The following TMEM178B variants were observed in gnomAD, a reference collection of about 807,000 sequenced individuals.
TMEM178B encodes the protein transmembrane protein 178B.
In TMEM178B, 5 loss-of-function variants were observed where a neutral mutation model predicts 31.0. The ratio of observed to expected loss-of-function variants is 0.16; its 90% CI spans 0.08 to 0.34. The LOEUF is 0.34. Among genes scored for constraint, TMEM178B ranks in the 10% least tolerant of loss-of-function variants. The pLI, the probability that TMEM178B is intolerant of heterozygous loss-of-function variation, is 1.00. For missense variants in TMEM178B, 275 were observed against 400.3 expected (o/e 0.69, Z 2.67); for synonymous variants, 164 against 164.0 (o/e 1.00, Z 0.00).
intron 1 of TMEM178B, among the ~76,000 whole-genome samples, chr7:141,100,070 T>C (rs922970445): frequency 1.3e-5 from 2 of 152,128 alleles, no homozygotes; most frequent in African/African-American, 2.4e-5. Flanking sequence ...CCGCCCGCCT[T>C]GGCCTCCCAA....
chr7:141,195,745 A>T (rs1005601475), intron 1 of TMEM178B, among the ~76,000 whole-genome samples: 1 of 152,216 alleles, frequency 6.6e-6, no homozygotes, highest in South Asian at 2.1e-4. Flanking sequence ...TGATAAAGAC[A>T]TACCCAAGAC....
intron 1 of TMEM178B, among the ~76,000 whole-genome samples, chr7:141,181,846 T>C (rs1164918036): frequency 6.6e-6 from 1 of 152,202 alleles, no homozygotes; most frequent in Non-Finnish European, 1.5e-5. Flanking sequence ...TCACTTTCTT[T>C]AGAATTATGG....
At chr7:141,407,929 C>T (rs186368193) in intron 2 of TMEM178B, among the ~76,000 whole-genome samples, 4 of 152,272 alleles carry the variant, frequency 2.6e-5, no homozygotes, top group South Asian at 2.1e-4. Context: ...TGAAGAAGCA[C>T]GTTTACATAG....
chr7:141,447,441 C>T (rs1181763), intron 3 of TMEM178B, among the ~76,000 whole-genome samples: 33,839 of 151,506 alleles, frequency 0.22, 3,980 homozygotes, highest in South Asian at 0.39. Flanking sequence ...AGAGGATGAC[C>T]GTGATGGGAG....
At chr7:141,489,751 C>G in the TMEM178B span, among the ~76,000 whole-genome samples, 1 of 152,312 alleles carries the variant, frequency 6.6e-6, no homozygotes, top group Admixed American at 6.5e-5. Flanking sequence ...TGTGGGAAAG[C>G]AGTTGAGAAA....
In TMEM178B at chr7:141,344,616, CT is replaced by C. The variant is rs1270698923; in HGVS notation, c.497-92990del. Among the ~76,000 whole-genome samples, 2 of 150,664 alleles carry C rather than the reference CT, an allele frequency of 1.3e-5. No homozygotes were observed. The highest frequency in any genetic ancestry group is 3.0e-5 in the Non-Finnish European group (2 of 67,750). On this transcript the variant is annotated intron_variant, in intron 2 of 3. Coordinates refer to ENST00000565468, the MANE Select transcript of TMEM178B (RefSeq NM_001195278.2). The surrounding 1 kb of genome is among the most constrained non-coding windows in gnomAD (Gnocchi z 4.1). ...CCTTCCTTCCTTCCTTCCTTCCTTC[CT>C]TCCTTCCTTCCTCCCTTCCTTCTTC... is the stretch of plus-strand genomic sequence containing the variant.
chr7:141,450,849 T>A (rs577514553), intron 3 of TMEM178B, among the ~76,000 whole-genome samples: 1 of 152,178 alleles, frequency 6.6e-6, no homozygotes, highest in Non-Finnish European at 1.5e-5. Context: ...CAGAGAGCCA[T>A]GAAACAAGCT....
intron 1 of TMEM178B, among the ~76,000 whole-genome samples, chr7:141,190,926 T>A (rs534674245): frequency 5.8e-4 from 88 of 152,316 alleles, no homozygotes; most frequent in African/African-American, 2.0e-3. Flanking sequence ...TTTACATAAA[T>A]GTGGTATACT....
intron 1 of TMEM178B, among the ~76,000 whole-genome samples, chr7:141,095,363 T>G (rs1296158242): frequency 6.6e-6 from 1 of 152,226 alleles, no homozygotes; most frequent in African/African-American, 2.4e-5. Flanking sequence ...TGACTTTTTC[T>G]TTACCCTTCT....
chr7:141,493,282 G>C, the TMEM178B span, among the ~76,000 whole-genome samples: 1 of 152,200 alleles, frequency 6.6e-6, no homozygotes, highest in East Asian at 1.9e-4. Context: ...TAGAGCCCTT[G>C]CTATGTGTAA....
intron 1 of TMEM178B, among the ~76,000 whole-genome samples, chr7:141,139,102 C>T (rs962744129): frequency 1.1e-4 from 16 of 152,090 alleles, no homozygotes; most frequent in South Asian, 1.0e-3. Context: ...AAATTATGGA[C>T]GCCAAAGTTA....
intron 2 of TMEM178B, among the ~76,000 whole-genome samples, chr7:141,262,048 A>G (rs1399326727): frequency 1.3e-5 from 2 of 152,182 alleles, no homozygotes; most frequent in East Asian, 3.9e-4. Flanking sequence ...TCCTACTTTT[A>G]ATAGATAAAA....
At chr7:141,131,449 C>T (rs1339030469) in intron 1 of TMEM178B, among the ~76,000 whole-genome samples, 1 of 152,116 alleles carries the variant, frequency 6.6e-6, no homozygotes, top group Non-Finnish European at 1.5e-5. Flanking sequence ...TTCCATCAGC[C>T]CATTTATTCT....
At chr7:141,497,190 TCA>T in the TMEM178B span, among the ~76,000 whole-genome samples, 1 of 152,186 alleles carries the variant, frequency 6.6e-6, no homozygotes, top group African/African-American at 2.4e-5. Flanking sequence ...CTGCAAGTTT[TCA>T]CAGAGAGAGA....
intron 1 of TMEM178B, among the ~76,000 whole-genome samples, chr7:141,107,378 A>G (rs1795163931): frequency 6.6e-6 from 1 of 152,050 alleles, no homozygotes; most frequent in South Asian, 2.1e-4. Flanking sequence ...GTAGTGGGGG[A>G]AGAGTGGATG....
At chr7:141,243,733 C>A (rs972861779) in intron 2 of TMEM178B, among the ~76,000 whole-genome samples, 2 of 152,092 alleles carry the variant, frequency 1.3e-5, no homozygotes, top group Admixed American at 1.3e-4. Flanking sequence ...AGCCATGCAG[C>A]CAGTGACAGG....
At chr7:141,273,269 T>C (rs1798214558) in intron 2 of TMEM178B, among the ~76,000 whole-genome samples, 1 of 152,190 alleles carries the variant, frequency 6.6e-6, no homozygotes, top group Admixed American at 6.5e-5. Context: ...AACTTTCACT[T>C]ATAAGATGAA....
chr7:141,079,313 C>T (rs541777305), intron 1 of TMEM178B, among the ~76,000 whole-genome samples: 10 of 152,122 alleles, frequency 6.6e-5, no homozygotes, highest in Admixed American at 3.9e-4. Context: ...AAAATTATTT[C>T]CGTAGTTGTA....
In TMEM178B at chr7:141,371,416, C is replaced by T. The variant is rs574600782; in HGVS notation, c.497-66192C>T. 8.5e-5 allele frequency among the ~76,000 whole-genome samples: 13 copies of T among 152,314 alleles called. No homozygotes were observed. In the East Asian group the frequency reaches 2.1e-3, roughly 25 times the overall value. The stretch of plus-strand genomic sequence containing the variant: ...GAAGCAGCCTGAGGCCCTCACCTGA[C>T]GCAGACACCAGTGCCGTGCTTCTTA... On this transcript the variant is annotated intron_variant, in intron 2 of 3. Transcript: ENST00000565468.
Sources: gnomAD v4.1 joint callset for allele counts (sites outside exome capture counted in the v4.1 genomes callset) on GRCh38, gnomAD v4.1.1 for gene constraint, Gnocchi (gnomAD v3.1) non-coding constraint, MANE v1.5 for transcripts, NCBI Gene and HGNC (gene_info 2026-07-23, HGNC 2026-07-21) for gene names.